The following ANAPC10 variants were observed in gnomAD, a reference collection of about 807,000 sequenced individuals.
ANAPC10 encodes the protein anaphase-promoting complex subunit 10.
ANAPC10 carries 12 observed loss-of-function variants against 22.0 expected under a neutral mutation model. That is an observed-to-expected ratio of 0.55 (90% confidence interval 0.35 to 0.88). The LOEUF (loss-of-function observed/expected upper bound fraction) is 0.88, where lower values mean the gene tolerates loss of function less well. ANAPC10 is among the 40% of genes least tolerant of loss of function. The probability of loss-of-function intolerance (pLI) is 0.01; values close to 1 mark genes in which losing one functional copy is unlikely to be tolerated. For missense variants in ANAPC10, 188 were observed against 220.9 expected (o/e 0.85, Z 0.94); for synonymous variants, 65 against 69.5 (o/e 0.94, Z 0.32).
chr4:145,052,244 AG>A (rs1455716700), intron 4 of ANAPC10, among the ~76,000 whole-genome samples: 1 of 152,198 alleles, frequency 6.6e-6, no homozygotes, highest in Non-Finnish European at 1.5e-5. Flanking sequence ...AAAATTGCTA[AG>A]ACAGATTTAA....
At chr4:145,073,494 T>C (rs1744773344) in intron 3 of ANAPC10, among the ~76,000 whole-genome samples, 1 of 152,126 alleles carries the variant, frequency 6.6e-6, no homozygotes, top group Non-Finnish European at 1.5e-5. Context: ...ATAAACTAAT[T>C]TGTATGATTT....
At chr4:145,083,589 T>C (rs1746416842) in intron 2 of ANAPC10, among the ~76,000 whole-genome samples, 1 of 152,202 alleles carries the variant, frequency 6.6e-6, no homozygotes, top group South Asian at 2.1e-4. Flanking sequence ...GTTCTGAAAT[T>C]AATATACCAG....
At chr4:145,010,140 T>C (rs1290262584) in intron 4 of ANAPC10, among the ~76,000 whole-genome samples, 2 of 152,076 alleles carry the variant, frequency 1.3e-5, no homozygotes, top group Non-Finnish European at 2.9e-5. Context: ...CTCACACCAG[T>C]TAGAATGGCG....
intron 3 of ANAPC10, among the ~76,000 whole-genome samples, chr4:145,076,021 G>A (rs1168071188): frequency 6.6e-6 from 1 of 152,170 alleles, no homozygotes; most frequent in Non-Finnish European, 1.5e-5. Context: ...GCTTGGCCAT[G>A]TCTGATTGCA....
intron 4 of ANAPC10, among the ~76,000 whole-genome samples, chr4:145,049,321 A>G (rs1740765298): frequency 6.6e-6 from 1 of 152,222 alleles, no homozygotes; most frequent in African/African-American, 2.4e-5. Context: ...TATTCCTTTC[A>G]TGAAAAATAT....
At chr4:145,089,427 T>TC (rs905035655) in intron 2 of ANAPC10, among the ~76,000 whole-genome samples, 23 of 152,174 alleles carry the variant, frequency 1.5e-4, no homozygotes, top group African/African-American at 4.8e-4. Flanking sequence ...TACTTATTTT[T>TC]CCCCTAAATT....
At chr4:145,010,842 T>C (rs1379766138) in intron 4 of ANAPC10, among the ~76,000 whole-genome samples, 3 of 151,350 alleles carry the variant, frequency 2.0e-5, no homozygotes, top group Non-Finnish European at 2.9e-5. Flanking sequence ...AATAAATAAA[T>C]CGCTTGATCT....
At chr4:145,035,313 T>G (rs1738347861) in intron 4 of ANAPC10, 1 of 152,210 alleles carries the variant, frequency 6.6e-6, no homozygotes, top group South Asian at 2.1e-4. Flanking sequence ...GACCACTCTT[T>G]GGTCAAGAAT....
intron 2 of ANAPC10, among the ~76,000 whole-genome samples, chr4:145,082,298 C>T (rs1019656785): frequency 6.6e-6 from 1 of 152,144 alleles, no homozygotes; most frequent in Admixed American, 6.5e-5. Flanking sequence ...TACAGGCACA[C>T]GCCACCACGC....
At chr4:144,996,648 T>C (rs763330575) in intron 4 of ANAPC10, among the ~76,000 whole-genome samples, 4 of 152,122 alleles carry the variant, frequency 2.6e-5, no homozygotes, top group Non-Finnish European at 4.4e-5. Context: ...GCAGAAAAGC[T>C]GAAAATTCTA....
chr4:145,042,120 T>C (rs534896858), intron 4 of ANAPC10, among the ~76,000 whole-genome samples: 11 of 152,308 alleles, frequency 7.2e-5, no homozygotes, highest in African/African-American at 2.6e-4. Context: ...TGTATGAATC[T>C]GAATGAAGGT....
At chr4:145,018,117 TAA>T (rs1196385207) in intron 4 of ANAPC10, among the ~76,000 whole-genome samples, 1,315 of 127,860 alleles carry the variant, frequency 0.01, 20 homozygotes, top group African/African-American at 0.031. Context: ...TAGAGTATAA[TAA>T]AAAAAATATA....
chr4:145,062,100 A>T (rs1313815942), intron 4 of ANAPC10, among the ~76,000 whole-genome samples: 3 of 151,968 alleles, frequency 2.0e-5, no homozygotes, highest in Non-Finnish European at 4.4e-5. Context: ...AAAAAAATTT[A>T]AAATATTCTG....
At chr4:145,018,979 A>G (rs1010665942) in intron 4 of ANAPC10, among the ~76,000 whole-genome samples, 11 of 152,196 alleles carry the variant, frequency 7.2e-5, no homozygotes, top group Middle Eastern at 6.3e-3. Context: ...AAAATGAGAT[A>G]GACAGCAACA....
intron 4 of ANAPC10, among the ~76,000 whole-genome samples, chr4:145,026,121 A>C (rs1253208947): frequency 6.6e-6 from 1 of 152,218 alleles, no homozygotes; most frequent in African/African-American, 2.4e-5. Context: ...AGTTTCCTAC[A>C]AATCTCACCT....
chr4:145,072,355 A>G (rs1187253248), intron 3 of ANAPC10, among the ~76,000 whole-genome samples: 1 of 152,218 alleles, frequency 6.6e-6, no homozygotes, highest in Non-Finnish European at 1.5e-5. Flanking sequence ...TCAGTAATAC[A>G]TACAAATTAT....
chr4:145,067,671 T>C (rs567163878), intron 3 of ANAPC10, among the ~76,000 whole-genome samples: 2 of 152,344 alleles, frequency 1.3e-5, no homozygotes, highest in Non-Finnish European at 2.9e-5. Flanking sequence ...GTTGATATTT[T>C]GGCCGCCTCC....
At chr4:145,044,109 A>C (rs559718496) in intron 4 of ANAPC10, among the ~76,000 whole-genome samples, 1 of 152,250 alleles carries the variant, frequency 6.6e-6, no homozygotes, top group Admixed American at 6.5e-5. Flanking sequence ...ACTAAAAAAC[A>C]AAACAAAAAA....
intron 4 of ANAPC10, among the ~76,000 whole-genome samples, chr4:145,006,268 AC>A (rs1321430920): frequency 2.6e-5 from 4 of 152,020 alleles, no homozygotes; most frequent in African/African-American, 9.7e-5. Context: ...AATTATAGCA[AC>A]CCAGACTTTT....
Sources: gnomAD v4.1 joint callset for allele counts (sites outside exome capture counted in the v4.1 genomes callset) on GRCh38, gnomAD v4.1.1 for gene constraint, MANE v1.5 for transcripts, NCBI Gene and HGNC (gene_info 2026-07-23, HGNC 2026-07-21) for gene names.